Variants in MACROD2 observed in about 807,000 individuals in gnomAD.
MACROD2 encodes ADP-ribose glycohydrolase MACROD2.
In MACROD2, 36 loss-of-function variants were observed where a neutral mutation model predicts 70.4. The ratio of observed to expected loss-of-function variants is 0.51; its 90% CI spans 0.39 to 0.68. MACROD2 has a LOEUF of 0.68. Ranked by LOEUF, MACROD2 falls within the 30% of genes least tolerant of loss-of-function variation. MACROD2 has a pLI of 0.00. For missense variants in MACROD2, 496 were observed against 538.4 expected, an observed-to-expected ratio of 0.92 and a Z score of 0.78; for synonymous variants, 172 against 178.8, an observed-to-expected ratio of 0.96 and a Z score of 0.30.
intron 5 of MACROD2, among the ~76,000 whole-genome samples, chr20:14,899,071 C>G (rs1466521441): frequency 6.6e-6 from 1 of 152,112 alleles, no homozygotes; most frequent in Non-Finnish European, 1.5e-5. Flanking sequence ...TACTTTTCAG[C>G]CCATGGTGTT....
intron 5 of MACROD2, among the ~76,000 whole-genome samples, chr20:14,830,917 A>G (rs1428240267): frequency 6.6e-6 from 1 of 152,136 alleles, no homozygotes; most frequent in Non-Finnish European, 1.5e-5. Flanking sequence ...TTATCCTTAA[A>G]ATATATTTAA....
chr20:14,931,962 A>G (rs1226854049), intron 5 of MACROD2, among the ~76,000 whole-genome samples: 2 of 150,344 alleles, frequency 1.3e-5, no homozygotes, highest in African/African-American at 4.9e-5. Context: ...TGAATGTACC[A>G]CTGCACTCTA....
chr20:15,525,267 C>T (rs527976904), intron 8 of MACROD2, among the ~76,000 whole-genome samples: 107 of 151,816 alleles, frequency 7.0e-4, no homozygotes, highest in African/African-American at 2.2e-3. Context: ...GCTTACTCTC[C>T]ACTAGAATCC....
intron 5 of MACROD2, among the ~76,000 whole-genome samples, chr20:14,717,673 G>A (rs1270220570): frequency 5.9e-5 from 9 of 152,020 alleles, no homozygotes; most frequent in Admixed American, 5.9e-4. Context: ...AAGGTGATAT[G>A]CAAGTGAGGA....
intron 5 of MACROD2, among the ~76,000 whole-genome samples, chr20:14,982,877 A>G (rs960308360): frequency 2.0e-5 from 3 of 152,118 alleles, no homozygotes; most frequent in Non-Finnish European, 2.9e-5. Context: ...TGAGAAGAGG[A>G]TCACTATCCT....
intron 5 of MACROD2, among the ~76,000 whole-genome samples, chr20:14,831,780 C>CAAAAA (rs71190151): frequency 1.1e-4 from 4 of 37,180 alleles, no homozygotes; most frequent in African/African-American, 4.0e-4. Context: ...AACTCCGTCT[C>CAAAAA]AAAAAAAAAA....
At chr20:14,256,347 ACT>A (rs1449961421) in intron 3 of MACROD2, among the ~76,000 whole-genome samples, 2 of 151,842 alleles carry the variant, frequency 1.3e-5, no homozygotes, top group Admixed American at 6.6e-5. Flanking sequence ...ATGACTGATA[ACT>A]CTATTATATG....
At chr20:14,871,788 A>G (rs1337867493) in intron 5 of MACROD2, among the ~76,000 whole-genome samples, 1 of 152,172 alleles carries the variant, frequency 6.6e-6, no homozygotes, top group Non-Finnish European at 1.5e-5. Flanking sequence ...TCTCACATGC[A>G]GTGACACAAA....
intron 5 of MACROD2, among the ~76,000 whole-genome samples, chr20:15,103,286 G>T (rs1022697680): frequency 1.9e-4 from 29 of 152,244 alleles, no homozygotes; most frequent in African/African-American, 6.7e-4. Context: ...GGTGGCTACT[G>T]AGGTTCCAGG....
At chr20:14,114,589 C>T (rs2054492749) in intron 3 of MACROD2, among the ~76,000 whole-genome samples, 1 of 151,978 alleles carries the variant, frequency 6.6e-6, no homozygotes. Flanking sequence ...TGAACTGTTA[C>T]ATTTTATAAG....
chr20:14,481,740 A>G (rs1488451659), intron 3 of MACROD2, among the ~76,000 whole-genome samples: 1 of 152,244 alleles, frequency 6.6e-6, no homozygotes, highest in African/African-American at 2.4e-5. Context: ...TTGAATAGTT[A>G]CTTACCAGCC....
At chr20:14,287,316 AT>A (rs1474388409) in intron 3 of MACROD2, among the ~76,000 whole-genome samples, 1 of 152,134 alleles carries the variant, frequency 6.6e-6, no homozygotes, top group Non-Finnish European at 1.5e-5. Flanking sequence ...CCCTATTAGG[AT>A]TTTGTTCCTT....
chr20:14,675,385 G>T (rs900621177), intron 4 of MACROD2, among the ~76,000 whole-genome samples: 10 of 152,178 alleles, frequency 6.6e-5, no homozygotes, highest in African/African-American at 2.2e-4. Context: ...CCAGAAGAGA[G>T]TGGGGGCCGA....
intron 6 of MACROD2, among the ~76,000 whole-genome samples, chr20:15,430,697 G>C (rs908621853): frequency 2.6e-5 from 4 of 151,828 alleles, no homozygotes; most frequent in African/African-American, 9.7e-5. Flanking sequence ...TGTCAAAAAA[G>C]GGGTACATAT....
At chr20:14,884,825 A>C (rs1337628202) in intron 5 of MACROD2, among the ~76,000 whole-genome samples, 1 of 152,172 alleles carries the variant, frequency 6.6e-6, no homozygotes, top group Non-Finnish European at 1.5e-5. Context: ...TGGAGGCTTC[A>C]TCTGTGTAAT....
At chr20:14,371,172 A>AT (rs1187284105) in intron 3 of MACROD2, among the ~76,000 whole-genome samples, 2 of 152,112 alleles carry the variant, frequency 1.3e-5, no homozygotes, top group Non-Finnish European at 2.9e-5. Flanking sequence ...GGCCAACTTA[A>AT]TTTTTTGTAA....
chr20:14,337,608 T>A (rs371554105), intron 3 of MACROD2: 2 of 398,478 alleles, frequency 5.0e-6, no homozygotes, highest in Admixed American at 8.8e-5. Context: ...TCCAGTTTAC[T>A]GCACACAGCC....
chr20:14,770,689 G>A (rs185707711), intron 5 of MACROD2, among the ~76,000 whole-genome samples: 1 of 152,042 alleles, frequency 6.6e-6, no homozygotes, highest in East Asian at 1.9e-4. Context: ...TAAATACTTG[G>A]CATGTATTTA....
At chr20:16,045,028 C>T (rs2067360646) in intron 17 of MACROD2, among the ~76,000 whole-genome samples, 1 of 152,138 alleles carries the variant, frequency 6.6e-6, no homozygotes, top group Non-Finnish European at 1.5e-5. Context: ...TGTCTTTAAG[C>T]ATAACACTCA....
Sources: gnomAD v4.1 joint callset for allele counts (sites outside exome capture counted in the v4.1 genomes callset) on GRCh38, gnomAD v4.1.1 for gene constraint, MANE v1.5 for transcripts, NCBI Gene and HGNC (gene_info 2026-07-23, HGNC 2026-07-21) for gene names.